SPMIP6: variants seen among roughly 807,000 people sequenced by gnomAD.
SPMIP6 encodes sperm microtubule inner protein 6.
chr9:34,383,003 C>G, the SPMIP6 span: 4 of 679,164 alleles, frequency 5.9e-6, no homozygotes, highest in Non-Finnish European at 1.1e-5. Flanking sequence ...GCCAGAGACC[C>G]CAAGCCCAGC....
chr9:34,385,662 C>G, the SPMIP6 span: 1 of 1,609,940 alleles, frequency 6.2e-7, no homozygotes, highest in Non-Finnish European at 8.5e-7. Context: ...GCCAGTACTT[C>G]TCAGGCAAGT....
chr9:34,392,408 A>G, the SPMIP6 span, among the ~76,000 whole-genome samples: 1 of 150,014 alleles, frequency 6.7e-6, no homozygotes, highest in Non-Finnish European at 1.5e-5. The surrounding 1 kb of genome is among the most constrained non-coding windows in gnomAD (Gnocchi z 4.6). Flanking sequence ...GTGAATTGAA[A>G]CTTTGTCATT....
At chr9:34,379,907 C>T in the SPMIP6 span, 2 of 570,580 alleles carry the variant, frequency 3.5e-6, no homozygotes, top group Non-Finnish European at 6.3e-6. The surrounding 1 kb of genome is among the most constrained non-coding windows in gnomAD (Gnocchi z 4.2). Flanking sequence ...CGGGAACCCC[C>T]CTTGGAAGAC....
the SPMIP6 span, among the ~76,000 whole-genome samples, chr9:34,394,585 A>G: frequency 6.6e-6 from 1 of 152,004 alleles, no homozygotes; most frequent in African/African-American, 2.4e-5. Flanking sequence ...TTGTGAGCTC[A>G]TGTTTAATTG....
chr9:34,381,621 G>A, the SPMIP6 span: 1 of 1,435,260 alleles, frequency 7.0e-7, no homozygotes. The surrounding 1 kb of genome is among the most constrained non-coding windows in gnomAD (Gnocchi z 4.4). Flanking sequence ...CTTTTACATC[G>A]CCAACAGGGG....
At chr9:34,385,564 T>C in the SPMIP6 span, 1 of 659,560 alleles carries the variant, frequency 1.5e-6, no homozygotes, top group South Asian at 1.9e-5. Context: ...AAAAAAAGGA[T>C]AGAGGTCACG....
chr9:34,394,679 T>C, the SPMIP6 span, among the ~76,000 whole-genome samples: 1 of 152,074 alleles, frequency 6.6e-6, no homozygotes, highest in Non-Finnish European at 1.5e-5. Flanking sequence ...GGGGTGTGTG[T>C]TGGGGGGCAG....
the SPMIP6 span, chr9:34,380,882 C>T: frequency 6.7e-7 from 1 of 1,501,892 alleles, no homozygotes; most frequent in Non-Finnish European, 8.9e-7. Context: ...CTGAGGCGGG[C>T]GGAGCCCTGC....
chr9:34,381,296 C>T, the SPMIP6 span: 3 of 1,605,414 alleles, frequency 1.9e-6, no homozygotes, highest in Non-Finnish European at 2.6e-6. The surrounding 1 kb of genome is among the most constrained non-coding windows in gnomAD (Gnocchi z 4.4). Flanking sequence ...TTCAGGTACC[C>T]ATCCCGCCCT....
At chr9:34,381,402 A>C in the SPMIP6 span, 1 of 1,614,010 alleles carries the variant, frequency 6.2e-7, no homozygotes, top group African/African-American at 1.3e-5. The surrounding 1 kb of genome is among the most constrained non-coding windows in gnomAD (Gnocchi z 4.4). Context: ...CTAGGAGGGC[A>C]TTCCAAGGGC....
the SPMIP6 span, among the ~76,000 whole-genome samples, chr9:34,389,569 G>T: frequency 6.6e-6 from 1 of 152,110 alleles, no homozygotes; most frequent in Non-Finnish European, 1.5e-5. Context: ...TTGTAGAGAT[G>T]AGGTTTCACC....
the SPMIP6 span, among the ~76,000 whole-genome samples, chr9:34,386,702 C>T: frequency 2.0e-5 from 3 of 152,172 alleles, no homozygotes; most frequent in Non-Finnish European, 4.4e-5. Context: ...TGGCCTGGTC[C>T]TCACCCTACC....
chr9:34,390,168 C>T, the SPMIP6 span: 1 of 151,830 alleles, frequency 6.6e-6, no homozygotes, highest in Non-Finnish European at 1.5e-5. Context: ...TTGCCAGGAC[C>T]TCCAGTGCAA....
chr9:34,392,304 T>C, the SPMIP6 span, among the ~76,000 whole-genome samples: 1 of 152,182 alleles, frequency 6.6e-6, no homozygotes, highest in Admixed American at 6.5e-5. This position sits in a 1 kb window ranked among gnomAD's most constrained non-coding sequence, Gnocchi z 4.6. Context: ...GCTCAAATGA[T>C]CCTCCTACCT....
chr9:34,391,187 T>C, the SPMIP6 span, among the ~76,000 whole-genome samples: 1 of 152,202 alleles, frequency 6.6e-6, no homozygotes, highest in Non-Finnish European at 1.5e-5. Flanking sequence ...TTTTCTTGTG[T>C]TTGTCCATTT....
At chr9:34,381,043 C>A in the SPMIP6 span, 2 of 1,611,634 alleles carry the variant, frequency 1.2e-6, no homozygotes, top group Non-Finnish European at 1.7e-6. The surrounding 1 kb of genome is among the most constrained non-coding windows in gnomAD (Gnocchi z 4.4). Context: ...GGCCGGGCAG[C>A]GGGTCCACGC....
chr9:34,385,541 A>G, the SPMIP6 span: 1 of 941,002 alleles, frequency 1.1e-6, no homozygotes, highest in African/African-American at 1.7e-5. Flanking sequence ...GTCTCAAAAA[A>G]AAAAAAAAAA....
the SPMIP6 span, chr9:34,381,228 C>T: frequency 1.3e-6 from 2 of 1,565,834 alleles, no homozygotes; most frequent in Non-Finnish European, 1.7e-6. The surrounding 1 kb of genome is among the most constrained non-coding windows in gnomAD (Gnocchi z 4.4). Context: ...AGACAAAAGC[C>T]AGGACGGATA....
the SPMIP6 span, chr9:34,381,397 A>C: frequency 1.9e-6 from 3 of 1,613,948 alleles, no homozygotes; most frequent in Non-Finnish European, 2.5e-6. This position sits in a 1 kb window ranked among gnomAD's most constrained non-coding sequence, Gnocchi z 4.4. Context: ...CCGGCCTAGG[A>C]GGGCATTCCA....
Sources: gnomAD v4.1 joint callset for allele counts (sites outside exome capture counted in the v4.1 genomes callset) on GRCh38, gnomAD v4.1.1 for gene constraint, Gnocchi (gnomAD v3.1) non-coding constraint, MANE v1.5 for transcripts, NCBI Gene and HGNC (gene_info 2026-07-23, HGNC 2026-07-21) for gene names.